NRG3: variants seen among roughly 807,000 people sequenced by gnomAD.
NRG3 encodes pro-neuregulin-3, membrane-bound isoform.
Under a neutral mutation model 66.9 loss-of-function variants are expected in NRG3, and 31 were observed. The observed-to-expected ratio is 0.46, with a 90% CI of 0.35 to 0.63. The LOEUF (loss-of-function observed/expected upper bound fraction) is 0.63, where lower values mean the gene tolerates loss of function less well. NRG3 is among the 20% of genes least tolerant of loss of function. The pLI is 0.00. For synonymous variants in NRG3, 393 were observed against 359.4 expected (o/e 1.09, Z -1.06); for missense variants, 910 against 878.9 (o/e 1.04, Z -0.45).
chr10:82,799,865 G>A (rs1173905323), intron 3 of NRG3: 1 of 152,100 alleles, frequency 6.6e-6, no homozygotes, highest in Non-Finnish European at 1.5e-5. Flanking sequence ...AGTATTCCTC[G>A]TATTCCCTAA....
At chr10:82,418,416 G>C (rs971027686) in intron 2 of NRG3, among the ~76,000 whole-genome samples, 3 of 152,152 alleles carry the variant, frequency 2.0e-5, no homozygotes, top group East Asian at 1.9e-4. Context: ...AAATTAACCA[G>C]TTTATGCAAA....
intron 1 of NRG3, among the ~76,000 whole-genome samples, chr10:82,201,123 A>G (rs1469372786): frequency 1.3e-5 from 2 of 148,936 alleles, no homozygotes; most frequent in Non-Finnish European, 3.0e-5. Context: ...ACTTGAACCC[A>G]GGAAGTGGAG....
chr10:82,018,355 A>C (rs913467029), intron 1 of NRG3, among the ~76,000 whole-genome samples: 1 of 152,236 alleles, frequency 6.6e-6, no homozygotes, highest in Non-Finnish European at 1.5e-5. Flanking sequence ...GTATAGTTTG[A>C]AGTCAGGTAG....
chr10:82,768,385 T>C (rs530306470), intron 3 of NRG3, among the ~76,000 whole-genome samples: 4 of 152,306 alleles, frequency 2.6e-5, no homozygotes, highest in Middle Eastern at 3.4e-3. Flanking sequence ...AGAAACTTTT[T>C]ATACCCTGAT....
At chr10:82,640,327 GC>G (rs35916275) in intron 2 of NRG3, among the ~76,000 whole-genome samples, 1 of 152,192 alleles carries the variant, frequency 6.6e-6, no homozygotes, top group Non-Finnish European at 1.5e-5. Context: ...ATACTATGGA[GC>G]CCTGGTGATT....
chr10:82,003,488 T>C (rs1331884901), intron 1 of NRG3, among the ~76,000 whole-genome samples: 2 of 152,052 alleles, frequency 1.3e-5, no homozygotes, highest in Admixed American at 1.3e-4. Context: ...AAAGAGAAGG[T>C]AGGACTAAGA....
intron 1 of NRG3, among the ~76,000 whole-genome samples, chr10:82,084,043 C>G (rs189731243): frequency 0.028 from 4,255 of 151,734 alleles, 209 homozygotes; most frequent in African/African-American, 0.098. Context: ...GCCTGGCCAA[C>G]ATGGCGAAAT....
intron 1 of NRG3, among the ~76,000 whole-genome samples, chr10:82,333,991 C>G (rs374173104): frequency 5.7e-4 from 87 of 152,020 alleles, no homozygotes; most frequent in African/African-American, 2.0e-3. Context: ...AGATGGAGAC[C>G]ACGGTGAAAC....
In NRG3 at chr10:82,956,731, G is replaced by T. The variant is rs538290653; in HGVS notation, c.1158-2218G>T. On this transcript the variant is annotated intron_variant, in intron 5 of 8. Transcript: ENST00000372141. ...CTTACTTTTTCAGGATGATTTACCA[G>T]ACTAGAACCTCCTGATTTCCCCTTT... Among the ~76,000 whole-genome samples the T allele has an allele frequency of 7.9e-5, 12 of 151,966 alleles. No individual in the cohort carries two copies. In the East Asian group the frequency reaches 1.9e-3, roughly 24 times the overall value.
chr10:82,310,355 T>A (rs1761899275), intron 1 of NRG3, among the ~76,000 whole-genome samples: 1 of 152,200 alleles, frequency 6.6e-6, no homozygotes, highest in South Asian at 2.1e-4. Flanking sequence ...CATTTCTGGG[T>A]TTGTGTCTAT....
At chr10:82,684,489 T>G (rs993179218) in intron 2 of NRG3, among the ~76,000 whole-genome samples, 5 of 152,142 alleles carry the variant, frequency 3.3e-5, no homozygotes, top group African/African-American at 1.2e-4. Context: ...AATTTCAAAA[T>G]TGAGCACTAG....
At chr10:82,549,355 T>TA (rs1218716504) in intron 2 of NRG3, among the ~76,000 whole-genome samples, 1 of 152,128 alleles carries the variant, frequency 6.6e-6, no homozygotes, top group Non-Finnish European at 1.5e-5. Context: ...TGCCCATACT[T>TA]ACAGAGTTGA....
At chr10:82,656,707 G>A (rs1047854364) in intron 2 of NRG3, among the ~76,000 whole-genome samples, 3 of 152,116 alleles carry the variant, frequency 2.0e-5, no homozygotes, top group African/African-American at 7.2e-5. Context: ...GAAGCTGCTG[G>A]TAAGAAAGGT....
chr10:82,955,929 G>T (rs772914325), intron 5 of NRG3, among the ~76,000 whole-genome samples: 7 of 151,852 alleles, frequency 4.6e-5, no homozygotes, highest in Non-Finnish European at 7.3e-5. Flanking sequence ...AACTTCAGGT[G>T]CAAGACCATG....
chr10:82,985,775 A>T lies in NRG3; in HGVS notation c.*170A>T, dbSNP rs1853391111. ...TTAACAAAATATTTTTTTAAGGGAAAGAAATGTTTCAGGAGGGATAAAGCT... is the reference window on the plus strand; with the variant it reads ...TTAACAAAATATTTTTTTAAGGGAATGAAATGTTTCAGGAGGGATAAAGCT... On this transcript the variant is annotated 3_prime_UTR_variant, in exon 9 of 9. Transcript: ENST00000372141. The T allele has an allele frequency of 5.5e-6, 4 of 733,472 alleles. No individual in the cohort carries two copies. The highest frequency in any genetic ancestry group is 3.1e-4 in the Middle Eastern group (1 of 3,260). 45.4% of individuals were successfully genotyped at this position (733,472 alleles called of 1,614,324 possible). A position where few individuals can be genotyped will look rare whatever the true frequency, so the allele number is the denominator to read the frequency against.
chr10:82,529,943 A>G lies in NRG3; in HGVS notation c.953+171075A>G, dbSNP rs1847096965. Among the ~76,000 whole-genome samples, 3 of 152,196 alleles carry G rather than the reference A, an allele frequency of 2.0e-5. No homozygotes were observed. In the South Asian group the frequency reaches 6.2e-4, roughly 31 times the overall value. On this transcript the variant is annotated intron_variant, in intron 2 of 8. Transcript: ENST00000372141. ...AAATGTCTTGGATTTATTAACAGAT[A>G]TCTTTGCAAACAGTTAAATGATGCC...
intron 2 of NRG3, among the ~76,000 whole-genome samples, chr10:82,715,510 T>TA (rs2056919515): frequency 6.6e-6 from 1 of 152,234 alleles, no homozygotes; most frequent in African/African-American, 2.4e-5. Flanking sequence ...TTGTGGTTTC[T>TA]ATGATTTTCA....
intron 2 of NRG3, among the ~76,000 whole-genome samples, chr10:82,373,373 A>T (rs977560966): frequency 6.6e-6 from 1 of 152,240 alleles, no homozygotes; most frequent in Non-Finnish European, 1.5e-5. Context: ...TTAGGGGCAG[A>T]TGGGATGCTT....
chr10:82,907,819 G>T (rs1216853327), intron 4 of NRG3, among the ~76,000 whole-genome samples: 1 of 152,112 alleles, frequency 6.6e-6, no homozygotes, highest in Non-Finnish European at 1.5e-5. Flanking sequence ...ATGTTTTGAG[G>T]ATGTGAAGTC....
Sources: gnomAD v4.1 joint callset for allele counts (sites outside exome capture counted in the v4.1 genomes callset) on GRCh38, gnomAD v4.1.1 for gene constraint, MANE v1.5 for transcripts, NCBI Gene and HGNC (gene_info 2026-07-23, HGNC 2026-07-21) for gene names.